Variants in GPC5 observed in about 807,000 individuals in gnomAD.
GPC5 encodes the protein glypican 5, also known as glypican-5.
GPC5 carries 47 observed loss-of-function variants against 53.9 expected under a neutral mutation model. The observed-to-expected ratio is 0.87, with a 90% confidence interval of 0.69 to 1.11. GPC5 has a LOEUF of 1.11. Ranked by LOEUF, GPC5 falls within the 50% of genes most tolerant of loss-of-function variation. The pLI is 0.00. For missense variants in GPC5, 748 were observed against 713.1 expected (o/e 1.05, Z -0.56); for synonymous variants, 286 against 263.3 (o/e 1.09, Z -0.84).
chr13:92,633,197 C>T (rs533241652), intron 7 of GPC5, among the ~76,000 whole-genome samples: 2 of 152,248 alleles, frequency 1.3e-5, no homozygotes, highest in South Asian at 4.1e-4. Context: ...CCAGCCAAAA[C>T]TCCCATTTTT....
intron 5 of GPC5, among the ~76,000 whole-genome samples, chr13:91,850,666 A>G (rs1256252291): frequency 6.6e-6 from 1 of 152,002 alleles, no homozygotes; most frequent in African/African-American, 2.4e-5. Flanking sequence ...TTTTTTTTCA[A>G]AGATCTATTT....
chr13:91,877,203 G>T (rs1298726660), intron 5 of GPC5, among the ~76,000 whole-genome samples: 1 of 152,230 alleles, frequency 6.6e-6, no homozygotes, highest in Non-Finnish European at 1.5e-5. Context: ...TGTGGGATCA[G>T]AGCCCCACAC....
intron 7 of GPC5, among the ~76,000 whole-genome samples, chr13:92,807,724 G>A (rs1026154126): frequency 2.0e-5 from 3 of 152,028 alleles, no homozygotes; most frequent in Non-Finnish European, 4.4e-5. Context: ...GTTGCACATA[G>A]TAAGAATGAT....
At chr13:92,009,925 A>G (rs2040644691) in intron 6 of GPC5, among the ~76,000 whole-genome samples, 7 of 152,214 alleles carry the variant, frequency 4.6e-5, no homozygotes, top group Admixed American at 4.6e-4. Flanking sequence ...TCATGAGGGT[A>G]TATAGTCTAA....
chr13:91,732,976 T>G (rs2036734515), intron 4 of GPC5, among the ~76,000 whole-genome samples: 1 of 152,196 alleles, frequency 6.6e-6, no homozygotes, highest in Non-Finnish European at 1.5e-5. Flanking sequence ...GCTTTGTTCT[T>G]TTTACTTAAG....
chr13:92,742,873 T>A (rs1889141585), intron 7 of GPC5, among the ~76,000 whole-genome samples: 1 of 152,174 alleles, frequency 6.6e-6, no homozygotes, highest in Non-Finnish European at 1.5e-5. Flanking sequence ...GTCAGGTTTG[T>A]CAAAGATCAG....
At chr13:92,369,970 T>C (rs1158233510) in intron 7 of GPC5, among the ~76,000 whole-genome samples, 1 of 152,222 alleles carries the variant, frequency 6.6e-6, no homozygotes, top group African/African-American at 2.4e-5. Flanking sequence ...TTAGTGTTTT[T>C]AGGCAGGTTC....
chr13:91,693,838 C>A lies in GPC5; in HGVS notation c.977C>A (p.Ala326Asp). Residue 326 changes from alanine to aspartate, a missense_variant, in exon 3 of 8, where the codon GCT becomes GAT. Physicochemically the swap from Ala to Asp is moderately radical, Grantham distance 126. Transcript: ENST00000377067. ...LLNFHLLVND[A>D]VLQAHLNGQK... ...AACTTTCACTTGCTTGTTAATGATG[C>A]TGTGTTACAGGCTCACCTCAATGGA... 2 of 1,610,600 alleles carry A rather than the reference C, an allele frequency of 1.2e-6. No individual in the cohort carries two copies. Among genetic ancestry groups the A allele is most frequent in the Non-Finnish European group, 8.5e-7 (1 of 1,179,518 alleles).
chr13:91,475,849 G>A (rs1404502427), intron 2 of GPC5, among the ~76,000 whole-genome samples: 1 of 152,140 alleles, frequency 6.6e-6, no homozygotes, highest in Non-Finnish European at 1.5e-5. Flanking sequence ...TGGTGGAGAG[G>A]GGCAGTGCAT....
chr13:92,476,797 A>C (rs1438635740), intron 7 of GPC5, among the ~76,000 whole-genome samples: 1 of 148,010 alleles, frequency 6.8e-6, no homozygotes, highest in Non-Finnish European at 1.5e-5. Flanking sequence ...CACAAGAACA[A>C]AAAACCAAAC....
chr13:91,849,030 G>A (rs16946850), intron 5 of GPC5, among the ~76,000 whole-genome samples: 21,240 of 152,140 alleles, frequency 0.14, 1,658 homozygotes, highest in African/African-American at 0.21. Context: ...GACAACTGCC[G>A]TGGAAAAATT....
chr13:92,415,760 A>G (rs1373946639), intron 7 of GPC5, among the ~76,000 whole-genome samples: 3 of 152,116 alleles, frequency 2.0e-5, no homozygotes, highest in African/African-American at 7.2e-5. Flanking sequence ...GGATGAGGAG[A>G]ACCTATCTAG....
chr13:92,064,764 A>AAAAAAAAAAAAAAAAAAAAAAAC (rs1555308147), intron 6 of GPC5, among the ~76,000 whole-genome samples: 6 of 138,366 alleles, frequency 4.3e-5, no homozygotes, highest in Non-Finnish European at 8.0e-5. Context: ...CTCAAAAAAA[A>AAAAAAAAAAAAAAAAAAAAAAAC]AAAACAAAAC....
At chr13:92,270,579 A>G (rs2042833305) in intron 7 of GPC5, among the ~76,000 whole-genome samples, 1 of 152,204 alleles carries the variant, frequency 6.6e-6, no homozygotes, top group South Asian at 2.1e-4. Context: ...ACCCAGTCTC[A>G]AGTATTTATA....
chr13:91,954,008 G>T (rs2040050445), intron 6 of GPC5, among the ~76,000 whole-genome samples: 1 of 151,964 alleles, frequency 6.6e-6, no homozygotes, highest in South Asian at 2.1e-4. Context: ...TACACATCAA[G>T]AAATTTTTAG....
intron 6 of GPC5, among the ~76,000 whole-genome samples, chr13:92,081,852 G>C (rs1027457844): frequency 6.6e-6 from 1 of 152,130 alleles, no homozygotes; most frequent in Non-Finnish European, 1.5e-5. Flanking sequence ...AATGTCTCAG[G>C]AAGTATATAA....
chr13:92,586,206 T>C (rs1883533072), intron 7 of GPC5, among the ~76,000 whole-genome samples: 1 of 152,156 alleles, frequency 6.6e-6, no homozygotes. Context: ...CCTGAAAACA[T>C]TATGGTTAGA....
At chr13:92,249,857 TGTAA>T (rs1405429179) in intron 7 of GPC5, among the ~76,000 whole-genome samples, 4 of 152,228 alleles carry the variant, frequency 2.6e-5, no homozygotes, top group East Asian at 3.9e-4. Context: ...CTTTGCATAG[TGTAA>T]GTGTTATCCA....
At chr13:92,018,860 G>T (rs113602612) in intron 6 of GPC5, among the ~76,000 whole-genome samples, 76 of 152,036 alleles carry the variant, frequency 5.0e-4, no homozygotes, top group African/African-American at 1.7e-3. Flanking sequence ...ATAATTCCTT[G>T]TTTGAAACCC....
Sources: allele counts gnomAD v4.1 joint callset (sites outside exome capture counted in the v4.1 genomes callset), GRCh38; gene constraint gnomAD v4.1.1; transcripts MANE v1.5; gene names NCBI Gene and HGNC (gene_info 2026-07-23, HGNC 2026-07-21).